RBFOX3: variants seen among roughly 807,000 people sequenced by gnomAD.
RBFOX3 encodes RNA binding protein fox-1 homolog 3.
Under a neutral mutation model 48.7 loss-of-function variants are expected in RBFOX3, and 17 were observed. The observed-to-expected ratio is 0.35, with a 90% CI of 0.24 to 0.52. The LOEUF is 0.52. RBFOX3 is among the 20% of genes least tolerant of loss of function. The pLI, the probability that RBFOX3 is intolerant of heterozygous loss-of-function variation, is 0.94. For synonymous variants in RBFOX3, 212 were observed against 209.5 expected (o/e 1.01, Z -0.10); for missense variants, 382 against 497.5 (o/e 0.77, Z 2.21).
chr17:79,217,288 C>T (rs7220459), intron 4 of RBFOX3, among the ~76,000 whole-genome samples: 111,584 of 152,156 alleles, frequency 0.73, 43,181 homozygotes, highest in East Asian at 0.86. Context: ...CTTGAAAAGC[C>T]ATGCCCATGG....
chr17:79,586,371 A>G (rs2093250189), intron 1 of RBFOX3, among the ~76,000 whole-genome samples: 1 of 152,234 alleles, frequency 6.6e-6, no homozygotes, highest in African/African-American at 2.4e-5. Context: ...CTGACCACAG[A>G]GGTCCCAGCA....
At chr17:79,493,768 A>C (rs1287038874) in intron 1 of RBFOX3, among the ~76,000 whole-genome samples, 1 of 152,206 alleles carries the variant, frequency 6.6e-6, no homozygotes, top group African/African-American at 2.4e-5. Context: ...TTGTTGGATA[A>C]ATGGATGGAA....
rs541468044 is a variant in RBFOX3 at position 79,362,471 on chromosome 17, G to A, written c.-174-54647C>T. 6.6e-6 allele frequency among the ~76,000 whole-genome samples: 1 copy of A among 152,100 alleles called. No individual in the cohort carries two copies. The highest frequency in any genetic ancestry group is 1.5e-5 in the Non-Finnish European group (1 of 68,016). Reference sequence around the variant, plus strand: ...GTGGGGGTGGCGGTGGGCGTGGAAGGCCACCTGCGCTGGGCCTGGATGGCA... The same window carrying A: ...GTGGGGGTGGCGGTGGGCGTGGAAGACCACCTGCGCTGGGCCTGGATGGCA... On this transcript the variant is annotated intron_variant, in intron 2 of 14. Transcript: ENST00000693108. The surrounding 1 kb of genome is among the most constrained non-coding windows in gnomAD (Gnocchi z 4.2).
At chr17:79,297,335 C>T (rs1268813358) in intron 3 of RBFOX3, among the ~76,000 whole-genome samples, 1 of 152,324 alleles carries the variant, frequency 6.6e-6, no homozygotes, top group South Asian at 2.1e-4. Flanking sequence ...TGTGAGCTAG[C>T]CCTGTGGAGA....
At chr17:79,644,584 G>T in the RBFOX3 span, among the ~76,000 whole-genome samples, 13 of 152,206 alleles carry the variant, frequency 8.5e-5, no homozygotes, top group African/African-American at 2.6e-4. Flanking sequence ...AAGATCAATT[G>T]TATTTTTATG....
chr17:79,605,684 C>T (rs1404030341), intron 1 of RBFOX3, among the ~76,000 whole-genome samples: 1 of 152,220 alleles, frequency 6.6e-6, no homozygotes, highest in African/African-American at 2.4e-5. Flanking sequence ...TATATTCTTC[C>T]TCTTTCTTTT....
chr17:79,256,858 G>T (rs2064942640), intron 3 of RBFOX3, among the ~76,000 whole-genome samples: 1 of 151,972 alleles, frequency 6.6e-6, no homozygotes, highest in South Asian at 2.1e-4. Flanking sequence ...GGAGGTGGAG[G>T]TTGCAGTGAG....
chr17:79,628,771 A>C, the RBFOX3 span, among the ~76,000 whole-genome samples: 6 of 152,076 alleles, frequency 3.9e-5, no homozygotes, highest in Non-Finnish European at 8.8e-5. Context: ...TCTGCCCTCC[A>C]GAAAGGCAGA....
At chr17:79,433,675 A>G (rs1026076721) in intron 2 of RBFOX3, among the ~76,000 whole-genome samples, 9 of 151,748 alleles carry the variant, frequency 5.9e-5, no homozygotes, top group Admixed American at 1.3e-4. Flanking sequence ...CAGCTGCAGC[A>G]CCCAGCCCAG....
chr17:79,251,731 GC>G (rs1255748975), intron 3 of RBFOX3, among the ~76,000 whole-genome samples: 103 of 152,212 alleles, frequency 6.8e-4, no homozygotes, highest in African/African-American at 2.3e-3. Context: ...GGCAGGTTCC[GC>G]CCCATTGTAC....
chr17:79,092,317 T>C lies in RBFOX3; in HGVS notation c.1078-1432A>G, dbSNP rs376783957. 2.6e-4 allele frequency: 259 copies of C among 985,454 alleles called. 4 individuals carry two copies. In the East Asian group the frequency reaches 0.019, roughly 72 times the overall value. 61.0% of individuals were successfully genotyped at this position (985,454 alleles called of 1,614,324 possible). ...TGTGCACACCGTACCTGCAATGGCT[T>C]GGGTAGTACAACATCAACAAAGTCA... is the stretch of plus-strand genomic sequence containing the variant. On this transcript the variant is annotated intron_variant, in intron 14 of 14. Transcript: ENST00000693108.
intron 1 of RBFOX3, among the ~76,000 whole-genome samples, chr17:79,558,929 G>C (rs1410187604): frequency 6.6e-6 from 1 of 152,108 alleles, no homozygotes; most frequent in Non-Finnish European, 1.5e-5. Flanking sequence ...TTCAACGTGG[G>C]CAGGTGCCCT....
intron 1 of RBFOX3, among the ~76,000 whole-genome samples, chr17:79,556,630 G>A (rs944971233): frequency 3.9e-5 from 6 of 152,146 alleles, no homozygotes; most frequent in Non-Finnish European, 2.9e-5. Flanking sequence ...TAAAAGACTC[G>A]AACTAATTTA....
intron 2 of RBFOX3, among the ~76,000 whole-genome samples, chr17:79,472,746 G>A (rs1246839709): frequency 1.3e-5 from 2 of 152,272 alleles, no homozygotes; most frequent in African/African-American, 4.8e-5. Flanking sequence ...ATTCTCAAGC[G>A]AGGACACTGC....
the RBFOX3 span, among the ~76,000 whole-genome samples, chr17:79,659,234 G>C: frequency 6.6e-6 from 1 of 152,170 alleles, no homozygotes; most frequent in Non-Finnish European, 1.5e-5. Flanking sequence ...GGAAAATAGA[G>C]TCCTCCTTTA....
chr17:79,603,857 G>A (rs1417495048), intron 1 of RBFOX3: 1 of 152,242 alleles, frequency 6.6e-6, no homozygotes, highest in African/African-American at 2.4e-5. Flanking sequence ...TGGGTGGCAA[G>A]GCTGGGAAGG....
chr17:79,620,174 T>C, the RBFOX3 span, among the ~76,000 whole-genome samples: 3,260 of 62,176 alleles, frequency 0.052, 112 homozygotes, highest in African/African-American at 0.17. Flanking sequence ...TGCACACACA[T>C]GCACACACAT....
chr17:79,135,264 G>A (rs2039920547), intron 4 of RBFOX3, among the ~76,000 whole-genome samples: 1 of 152,238 alleles, frequency 6.6e-6, no homozygotes, highest in Admixed American at 6.5e-5. Flanking sequence ...GGACAGGCAA[G>A]GGAAGGCGGT....
chr17:79,279,329 C>T (rs1171058827), intron 3 of RBFOX3, among the ~76,000 whole-genome samples: 1 of 152,192 alleles, frequency 6.6e-6, no homozygotes, highest in Non-Finnish European at 1.5e-5. Flanking sequence ...GGTCCCACAG[C>T]ACCCAGGACA....
Sources: gnomAD v4.1 joint callset for allele counts (sites outside exome capture counted in the v4.1 genomes callset) on GRCh38, gnomAD v4.1.1 for gene constraint, Gnocchi (gnomAD v3.1) non-coding constraint, MANE v1.5 for transcripts, NCBI Gene and HGNC (gene_info 2026-07-23, HGNC 2026-07-21) for gene names.